The following TEX11 variants were observed in gnomAD, a reference collection of about 807,000 sequenced individuals.
The protein encoded by TEX11 is testis expressed 11.
In TEX11, 7 loss-of-function variants were observed where a neutral mutation model predicts 84.4. The observed-to-expected ratio is 0.08, with a 90% CI of 0.05 to 0.16. The LOEUF (loss-of-function observed/expected upper bound fraction) is 0.16, where lower values mean the gene tolerates loss of function less well. Among genes scored for constraint, TEX11 ranks in the 10% least tolerant of loss-of-function variants. TEX11 has a pLI of 1.00. For synonymous variants in TEX11, 264 were observed against 222.8 expected (o/e 1.18, Z -1.64); for missense variants, 551 against 660.5 (o/e 0.83, Z 1.82).
chrX:70,569,457 G>A (rs1039101693), intron 25 of TEX11, among the ~76,000 whole-genome samples: 3 of 112,009 alleles, frequency 2.7e-5, no homozygotes, highest in African/African-American at 6.5e-5. Flanking sequence ...AAGGAGCTGC[G>A]TTCCTTTGGA....
chrX:70,531,102 T>C lies in TEX11; in HGVS notation c.2521-1103A>G, dbSNP rs554133330. Among the ~76,000 whole-genome samples the C allele has an allele frequency of 1.4e-4, 16 of 111,356 alleles. No homozygotes were observed. The South Asian group carries it at 5.4e-3, about 38-fold the overall frequency. On this transcript the variant is annotated intron_variant, in intron 28 of 29. Coordinates refer to ENST00000374333, the MANE Select transcript of TEX11 (RefSeq NM_031276.3). ...CTTTCCATTCCTCTAATATAACTTA[T>C]GTTATATTGTTTTGAAATGCTATGT...
chrX:70,517,919 A>G, the TEX11 span, among the ~76,000 whole-genome samples: 1 of 110,755 alleles, frequency 9.0e-6, no homozygotes, highest in African/African-American at 3.3e-5. Context: ...AGAGGTGTTT[A>G]TAGTATTCTC....
rs189716784 is a variant in TEX11, at chrX:70,894,158, G to A, written c.37+13595C>T. The stretch of plus-strand genomic sequence containing the variant: ...CTACCAGAGGTACAAAGAGGAGCTG[G>A]TACCATTCCTTCCGAAACTATTCCA... On this transcript the variant is annotated intron_variant, in intron 2 of 29. Transcript: ENST00000374333. Among the ~76,000 whole-genome samples the A allele has an allele frequency of 1.8e-3, 205 of 110,848 alleles. 2 individuals are homozygous for A. Among genetic ancestry groups the A allele is most frequent in the African/African-American group, 6.5e-3 (197 of 30,520 alleles).
At chrX:70,834,009 T>C (rs2091391593) in intron 7 of TEX11, among the ~76,000 whole-genome samples, 1 of 111,112 alleles carries the variant, frequency 9.0e-6, no homozygotes, top group Non-Finnish European at 1.9e-5. Flanking sequence ...TGAACTGCTA[T>C]GTATATCCAC....
At chrX:70,862,465 G>A (rs1347758409) in intron 4 of TEX11, among the ~76,000 whole-genome samples, 1 of 111,346 alleles carries the variant, frequency 9.0e-6, no homozygotes, top group Non-Finnish European at 1.9e-5. Context: ...AATTGAAATG[G>A]TCAGATTTTT....
rs773506902 is a variant in TEX11 at position 70,786,770 on chromosome X, C to T, written c.692+19935G>A. Among the ~76,000 whole-genome samples the T allele has an allele frequency of 3.6e-5, 4 of 111,781 alleles. No individual in the cohort carries two copies. The South Asian group carries it at 1.1e-3, about 32-fold the overall frequency. ...ATGGAATAGTTCAAAATATGCAAAA[C>T]GTAAATGTGGTATGTCACATTAACA... On this transcript the variant is annotated intron_variant, in intron 9 of 29. Transcript: ENST00000374333.
At chrX:70,839,381 G>C (rs189275484) in intron 7 of TEX11, among the ~76,000 whole-genome samples, 3,687 of 111,989 alleles carry the variant, frequency 0.033, 61 homozygotes, top group Non-Finnish European at 0.049. Flanking sequence ...GGCAAACAGG[G>C]TCTGGAGTGG....
the TEX11 span, among the ~76,000 whole-genome samples, chrX:70,518,592 A>G: frequency 8.9e-6 from 1 of 112,042 alleles, no homozygotes; most frequent in Non-Finnish European, 1.9e-5. Context: ...ATAAGAATGT[A>G]TATTCTGTTG....
At chrX:70,721,359 C>T (rs1335043606) in intron 13 of TEX11, among the ~76,000 whole-genome samples, 2 of 111,412 alleles carry the variant, frequency 1.8e-5, no homozygotes, top group African/African-American at 3.3e-5. Context: ...CTTTATTATA[C>T]ACTTGAATAT....
the TEX11 span, among the ~76,000 whole-genome samples, chrX:70,523,344 T>G: frequency 9.0e-6 from 1 of 111,286 alleles, no homozygotes; most frequent in South Asian, 3.8e-4. Flanking sequence ...ATAAGTCTCT[T>G]GACCTGGACA....
chrX:70,632,563 C>T (rs958033356), intron 17 of TEX11, among the ~76,000 whole-genome samples: 8 of 110,563 alleles, frequency 7.2e-5, no homozygotes, highest in African/African-American at 2.3e-4. Context: ...GAGCTGTGTT[C>T]GTTTTTTTGA....
intron 7 of TEX11, among the ~76,000 whole-genome samples, chrX:70,834,696 G>A (rs751028168): frequency 6.5e-5 from 7 of 108,376 alleles, no homozygotes; most frequent in South Asian, 4.2e-4. Flanking sequence ...CTCGGGAGGC[G>A]GAGGTTGCAG....
At chrX:70,779,724 A>G (rs1303533286) in intron 9 of TEX11, among the ~76,000 whole-genome samples, 2 of 111,269 alleles carry the variant, frequency 1.8e-5, no homozygotes, top group Non-Finnish European at 3.8e-5. Flanking sequence ...GATATCAAGA[A>G]TAAAGAATCA....
intron 9 of TEX11, among the ~76,000 whole-genome samples, chrX:70,757,281 T>C (rs750294567): frequency 9.0e-6 from 1 of 111,070 alleles, no homozygotes; most frequent in South Asian, 3.8e-4. Flanking sequence ...ACCACAAAGA[T>C]ACTCGTTGAG....
intron 4 of TEX11, among the ~76,000 whole-genome samples, chrX:70,863,259 C>T (rs1191332290): frequency 8.9e-6 from 1 of 111,963 alleles, no homozygotes; most frequent in Non-Finnish European, 1.9e-5. Context: ...GGGTCCCTGA[C>T]CCCCGTGCCT....
intron 25 of TEX11, among the ~76,000 whole-genome samples, chrX:70,587,498 T>C (rs2147491211): frequency 8.9e-6 from 1 of 112,787 alleles, no homozygotes; most frequent in African/African-American, 3.2e-5. Flanking sequence ...GGCTTTCATG[T>C]GGTGTTGTGC....
At chrX:70,527,110 A>G (rs1352154461), downstream of TEX11, among the ~76,000 whole-genome samples, 1 of 112,250 alleles carries the variant, frequency 8.9e-6, no homozygotes, top group African/African-American at 3.2e-5. Flanking sequence ...CAGAAAAATC[A>G]ACATTTAGCA....
chrX:70,776,753 A>C (rs1445702500), intron 9 of TEX11, among the ~76,000 whole-genome samples: 1 of 110,429 alleles, frequency 9.1e-6, no homozygotes, highest in Non-Finnish European at 1.9e-5. Flanking sequence ...AGAATCTAGG[A>C]AAGGTGTGTG....
At chrX:70,866,509 C>T (rs1220894401) in intron 4 of TEX11, among the ~76,000 whole-genome samples, 3 of 110,509 alleles carry the variant, frequency 2.7e-5, no homozygotes, top group Non-Finnish European at 3.8e-5. Flanking sequence ...CTATTCCAAT[C>T]AATAGAAAAA....
Sources: gnomAD v4.1 joint callset for allele counts (sites outside exome capture counted in the v4.1 genomes callset) on GRCh38, gnomAD v4.1.1 for gene constraint, MANE v1.5 for transcripts, NCBI Gene and HGNC (gene_info 2026-07-23, HGNC 2026-07-21) for gene names.